DLST: variants seen among roughly 807,000 people sequenced by gnomAD.
The protein encoded by DLST is dihydrolipoyllysine-residue succinyltransferase component of 2-oxoglutarate dehydrogenase complex, mitochondrial.
A neutral mutation model predicts 53.1 loss-of-function variants in DLST; 17 were observed. The ratio of observed to expected loss-of-function variants is 0.32; its 90% CI spans 0.22 to 0.48. The LOEUF (loss-of-function observed/expected upper bound fraction) is 0.48, where lower values mean the gene tolerates loss of function less well. DLST is among the 20% of genes least tolerant of loss of function. The pLI is 0.99. For synonymous variants in DLST, 206 were observed against 204.8 expected (o/e 1.01, Z -0.05); for missense variants, 512 against 583.9 (o/e 0.88, Z 1.27).
intron 2 of DLST, 91 bp downstream of exon 2, chr14:74,882,715 A>G (rs2140183440): frequency 1.7e-6 from 2 of 1,196,642 alleles, no homozygotes; most frequent in South Asian, 1.3e-5. Flanking sequence ...TTCTCATAAT[A>G]TTTAAAGACA....
chr14:74,894,442 C>T (rs573506488), intron 10 of DLST, 33 bp downstream of exon 10: 230 of 1,602,568 alleles, frequency 1.4e-4, no homozygotes, highest in Non-Finnish European at 1.6e-4. Flanking sequence ...TCCCCTAGGC[C>T]CCTTTTTCTT....
chr14:74,884,043 G>A (rs1306568165), intron 2 of DLST, among the ~76,000 whole-genome samples: 1 of 152,210 alleles, frequency 6.6e-6, no homozygotes, highest in African/African-American at 2.4e-5. Context: ...ACCAGCTTGG[G>A]AAGGTTGGGA....
At chr14:74,885,269 A>G (rs576527962) in intron 2 of DLST, among the ~76,000 whole-genome samples, 4 of 152,346 alleles carry the variant, frequency 2.6e-5, no homozygotes, top group Non-Finnish European at 5.9e-5. Context: ...TATTATGAAA[A>G]CATACAGGAA....
At position 74,900,009 on chromosome 14, in the gene DLST, A is replaced by G; in HGVS notation, c.975+13A>G. On this transcript the variant is annotated intron_variant, in intron 12 of 14. Coordinates refer to ENST00000334220, the MANE Select transcript of DLST (RefSeq NM_001933.5). ...GGCCACCCCACGGGTATGTTGGGGC[A>G]GGAGGTGGGGAATGTTGGTCTTAGA... is the stretch of plus-strand genomic sequence containing the variant. 1.2e-6 allele frequency: 2 copies of G among 1,607,556 alleles called. No individual in the cohort carries two copies. Among genetic ancestry groups the G allele is most frequent in the South Asian group, 1.1e-5 (1 of 90,754 alleles).
At chr14:74,885,210 C>T (rs1883661224) in intron 2 of DLST, among the ~76,000 whole-genome samples, 1 of 152,184 alleles carries the variant, frequency 6.6e-6, no homozygotes, top group Non-Finnish European at 1.5e-5. Context: ...CATCCCATGT[C>T]TTTCTCAAGC....
chr14:74,889,567 C>T (rs974569146), intron 5 of DLST: 1 of 547,006 alleles, frequency 1.8e-6, no homozygotes, highest in Non-Finnish European at 3.2e-6. Context: ...GACAGGGTTT[C>T]ACCATGTTGG....
intron 9 of DLST, among the ~76,000 whole-genome samples, chr14:74,893,913 A>G (rs1347689689): frequency 1.3e-5 from 2 of 152,216 alleles, no homozygotes; most frequent in Non-Finnish European, 1.5e-5. Flanking sequence ...GATAGCCTCG[A>G]AAGTTTGTTG....
At chr14:74,885,420 C>A (rs1883668018) in intron 2 of DLST, among the ~76,000 whole-genome samples, 166 bp from the exon 3 acceptor site, 1 of 152,172 alleles carries the variant, frequency 6.6e-6, no homozygotes, top group South Asian at 2.1e-4. Flanking sequence ...GCCACTAAGG[C>A]TACTTTGGAA....
chr14:74,901,291 A>T (rs944857880), intron 14 of DLST, 58 bp downstream of exon 14: 34 of 1,487,156 alleles, frequency 2.3e-5, no homozygotes, highest in Non-Finnish European at 2.8e-5. Context: ...GGGAAATCCA[A>T]CTAAATGCTA....
intron 11 of DLST, among the ~76,000 whole-genome samples, chr14:74,899,582 C>T (rs1453945415): frequency 1.3e-5 from 2 of 152,074 alleles, no homozygotes; most frequent in Non-Finnish European, 2.9e-5. Context: ...ATTTGTTAAC[C>T]CTAGTCATTC....
intron 2 of DLST, among the ~76,000 whole-genome samples, chr14:74,883,358 A>G (rs1009746882): frequency 1.3e-5 from 2 of 151,858 alleles, no homozygotes; most frequent in Non-Finnish European, 2.9e-5. Context: ...AGTGAAGCCC[A>G]GGAGAAAGAG....
At chr14:74,889,238 G>T (rs1333278266) in intron 4 of DLST, 37 bp from the exon 5 acceptor site, 2 of 1,607,232 alleles carry the variant, frequency 1.2e-6, no homozygotes, top group Non-Finnish European at 1.7e-6. Flanking sequence ...AAGGAAAAAT[G>T]AACTACTTAT....
At chr14:74,900,706 A>C (rs1198224745) in intron 13 of DLST, among the ~76,000 whole-genome samples, 1 of 152,224 alleles carries the variant, frequency 6.6e-6, no homozygotes, top group African/African-American at 2.4e-5. Flanking sequence ...CGATCTCGAT[A>C]CAAGCTTTCT....
At position 74,900,105 on chromosome 14, in the gene DLST, G is replaced by A. The variant is rs934780073; in HGVS notation, c.975+109G>A. On this transcript the variant is annotated intron_variant, in intron 12 of 14. Coordinates refer to ENST00000334220, the MANE Select transcript of DLST (RefSeq NM_001933.5). ...TCTTTAATTCTGTATTTTTAGAAGG[G>A]AGTTAGTAAAAGTAACCTTTTTTTT... is the stretch of plus-strand genomic sequence containing the variant. The A allele has an allele frequency of 1.7e-5, 20 of 1,169,234 alleles. No homozygotes were observed. In the African/African-American group the frequency reaches 2.9e-4, roughly 17 times the overall value. 72.4% of individuals were successfully genotyped at this position (1,169,234 alleles called of 1,614,324 possible).
rs1884137969 is a variant in DLST, at chr14:74,898,402, G to A, written c.804G>A (p.Glu268=). The A allele has an allele frequency of 6.2e-7, 1 of 1,612,948 alleles. No individual in the cohort carries two copies. Among genetic ancestry groups the A allele is most frequent in the African/African-American group, 1.3e-5 (1 of 74,896 alleles). The change falls in exon 11 of 15, where the codon GAG becomes GAA. Residue 268 remains glutamate (E), a synonymous_variant. Transcript: ENST00000334220. ...NIQEMRARHK[E]AFLKKHNLKL... is the part of the protein sequence containing the mutation. ...AGGAGATGAGGGCTCGGCACAAAGA[G>A]GCTTTTTTGAAGAAACATAACCTCA...
intron 10 of DLST, among the ~76,000 whole-genome samples, chr14:74,896,171 C>T (rs887608279): frequency 6.6e-6 from 1 of 152,212 alleles, no homozygotes; most frequent in African/African-American, 2.4e-5. Flanking sequence ...AATTTTTAAA[C>T]AGGTCTTCAA....
chr14:74,898,344 A>AT, intron 10 of DLST, 25 bp from the exon 11 acceptor site: 14 of 1,605,124 alleles, frequency 8.7e-6, no homozygotes, highest in Non-Finnish European at 1.2e-5. Flanking sequence ...CTTTGTGGTC[A>AT]GTTTGTTTTG....
At position 74,897,856 on chromosome 14, in the gene DLST, A is replaced by G. The variant is rs115665305; in HGVS notation, c.771-513A>G. ...CTTTTTCCCGCATGGAGCCTCATGT[A>G]CCCATGAGCTGTTTATTTTAGTCTC... On this transcript the variant is annotated intron_variant, in intron 10 of 14. Transcript: ENST00000334220. Among the ~76,000 whole-genome samples the G allele has an allele frequency of 5.8e-3, 882 of 151,570 alleles. 8 individuals are homozygous for G. Among genetic ancestry groups the G allele is most frequent in the African/African-American group, 0.021 (849 of 41,220 alleles).
chr14:74,901,571 CAG>C (rs1884246649), intron 14 of DLST, among the ~76,000 whole-genome samples: 1 of 152,178 alleles, frequency 6.6e-6, no homozygotes, highest in African/African-American at 2.4e-5. Flanking sequence ...CCCTGGGAAA[CAG>C]ATGACAATTA....
Sources: gnomAD v4.1 joint callset for allele counts (sites outside exome capture counted in the v4.1 genomes callset) on GRCh38, gnomAD v4.1.1 for gene constraint, MANE v1.5 for transcripts, NCBI Gene and HGNC (gene_info 2026-07-23, HGNC 2026-07-21) for gene names.